The following NOC2L variants were observed in gnomAD, a reference collection of about 807,000 sequenced individuals.
The protein encoded by NOC2L is NOC2 like nucleolar associated transcriptional repressor.
In NOC2L, 101 loss-of-function variants were observed where a neutral mutation model predicts 94.2. The ratio of observed to expected loss-of-function variants is 1.07; its 90% confidence interval spans 0.91 to 1.26. The LOEUF (loss-of-function observed/expected upper bound fraction) is 1.26, where lower values mean the gene tolerates loss of function less well. NOC2L is among the 50% of genes most tolerant of loss of function. NOC2L has a pLI of 0.00. For missense variants in NOC2L, 1,076 were observed against 980.1 expected, an observed-to-expected ratio of 1.10 and a Z score of -1.31; for synonymous variants, 531 against 413.4, an observed-to-expected ratio of 1.28 and a Z score of -3.45.
chr1:957,333 G>T, intron 2 of NOC2L, 60 bp from the exon 3 acceptor site: 1 of 1,532,572 alleles, frequency 6.5e-7, no homozygotes, highest in African/African-American at 1.4e-5. Flanking sequence ...GCGGGGAGTG[G>T]CCTACAGGGT....
chr1:945,275 G>A (rs1031943461), intron 17 of NOC2L, 129 bp from the exon 18 acceptor site: 17 of 1,217,016 alleles, frequency 1.4e-5, no homozygotes, highest in Non-Finnish European at 1.9e-5. Flanking sequence ...AGGTGGAGAG[G>A]AGCCCTGGGG....
chr1:948,443 C>G (rs1166856477), intron 13 of NOC2L, 47 bp downstream of exon 13: 3 of 1,444,724 alleles, frequency 2.1e-6, no homozygotes, highest in Non-Finnish European at 1.9e-6. Context: ...CACCCCCAAC[C>G]CCACCCTGGG....
Position 948,235 on chromosome 1 carries a change from G to C in NOC2L, c.1558-3C>G, listed in dbSNP as rs2100381049. Reference sequence around the variant, plus strand: ...TACAGCTGCTCCACCAGGCCGTCCTGAAGAGCAGGAGAGAGGGCCGAGTGC... The same window carrying C: ...TACAGCTGCTCCACCAGGCCGTCCTCAAGAGCAGGAGAGAGGGCCGAGTGC... On this transcript the variant is annotated splice_polypyrimidine_tract_variant and splice_region_variant and intron_variant, in intron 13 of 18. Transcript: ENST00000327044. 6.4e-7 allele frequency: 1 copy of C among 1,570,938 alleles called. No individual in the cohort carries two copies. The highest frequency in any genetic ancestry group is 2.3e-5 in the East Asian group (1 of 42,806).
In NOC2L at chr1:957,152, C is replaced by A; in HGVS notation, c.301G>T (p.Asp101Tyr). ...DQSLLNFSDS[D>Y]SSEEEEGPFH... ...GGCCCCTCTTCCTCCTCAGAGCTGTCCGAGTCGCTGAAGTTTAGCAGGCTC... is the reference window on the plus strand; with the variant it reads ...GGCCCCTCTTCCTCCTCAGAGCTGTACGAGTCGCTGAAGTTTAGCAGGCTC... The change falls in exon 3 of 19, where the codon GAC becomes TAC. Residue 101 changes from aspartate (D) to tyrosine (Y), a missense_variant. By Grantham distance (160) the Asp-to-Tyr change is radical. Coordinates refer to ENST00000327044, the MANE Select transcript of NOC2L (RefSeq NM_015658.4). The A allele has an allele frequency of 6.2e-7, 1 of 1,614,076 alleles. No individual in the cohort carries two copies. The highest frequency in any genetic ancestry group is 8.5e-7 in the Non-Finnish European group (1 of 1,180,038).
intron 12 of NOC2L, among the ~76,000 whole-genome samples, chr1:950,790 A>C (rs1479867433): frequency 6.6e-6 from 1 of 152,180 alleles, no homozygotes; most frequent in Admixed American, 6.5e-5. Context: ...CACAACTGTC[A>C]GGGCAGGGCA....
chr1:956,962 G>A lies in NOC2L; in HGVS notation c.418C>T (p.Leu140=), dbSNP rs532340788. Residue 140 remains leucine (L), a synonymous_variant, in exon 4 of 19, where the codon CTG becomes TTG. Coordinates refer to ENST00000327044, the MANE Select transcript of NOC2L (RefSeq NM_015658.4). ...GGAACAGAATTCTTCTTCCCCTTCA[G>A]CCCTCTGGGGACTCTGTCCCCATCT... ...GEDGDRVPRG[L]KGKKNSVPVT... 2 of 1,614,086 alleles carry A rather than the reference G, an allele frequency of 1.2e-6. No individual in the cohort carries two copies. Among genetic ancestry groups the A allele is most frequent in the East Asian group, 4.5e-5 (2 of 44,886 alleles).
intron 2 of NOC2L, 56 bp downstream of exon 2, chr1:958,873 C>T (rs751018952): frequency 2.2e-5 from 36 of 1,606,484 alleles, no homozygotes; most frequent in Non-Finnish European, 2.9e-5. Flanking sequence ...GTCAGCAACC[C>T]AACCGGGGTG....
chr1:957,361 A>G, intron 2 of NOC2L, 88 bp from the exon 3 acceptor site: 1 of 1,324,672 alleles, frequency 7.5e-7, no homozygotes. Flanking sequence ...CTCCCTTCAC[A>G]AGGGTTACCA....
At chr1:955,894 C>A in intron 6 of NOC2L, 29 bp downstream of exon 6, 1 of 1,563,560 alleles carries the variant, frequency 6.4e-7, no homozygotes, top group South Asian at 1.1e-5. Context: ...ACCTTCCACC[C>A]TACCCCCCTT....
At chr1:946,706 G>T in intron 14 of NOC2L, 161 bp from the exon 15 acceptor site, 1 of 815,312 alleles carries the variant, frequency 1.2e-6, no homozygotes, top group Non-Finnish European at 1.9e-6. Flanking sequence ...CAGCTGGGAT[G>T]GCAGAGGCAG....
chr1:958,395 G>A (rs1354410302), intron 2 of NOC2L: 2 of 315,656 alleles, frequency 6.3e-6, no homozygotes, highest in Non-Finnish European at 1.2e-5. Context: ...TGGGATTACA[G>A]GTGCCCACCA....
chr1:957,899 C>CATA (rs1642458022), intron 2 of NOC2L: 1 of 155,288 alleles, frequency 6.4e-6, no homozygotes. Flanking sequence ...TCACTCCTGC[C>CATA]GTAGCCACGT....
chr1:944,702 CCT>C lies in NOC2L; in HGVS notation c.2240_2241del (p.Glu747GlyfsTer29), dbSNP rs1385227098. ...CCCCCAGATGGGCTGCCTCAGTCGT[CCT>C]CTGAGAGCTGCAGATCCTCCAGCTC... is the stretch of plus-strand genomic sequence containing the variant. Reference protein sequence around the residue: ...EDELEDLQLSEDD With the variant: ...EDELEDLQLSXDD On this transcript the variant is annotated frameshift_variant, in exon 19 of 19. Transcript: ENST00000327044. LOFTEE classifies it high-confidence loss of function. 6 of 1,596,320 alleles carry C rather than the reference CCT, an allele frequency of 3.8e-6. No individual in the cohort carries two copies. Among genetic ancestry groups the C allele is most frequent in the Non-Finnish European group, 3.4e-6 (4 of 1,176,604 alleles).
chr1:956,971 G>A lies in NOC2L; in HGVS notation c.409C>T (p.Pro137Ser). The A allele has an allele frequency of 6.2e-7, 1 of 1,614,052 alleles. No individual in the cohort carries two copies. The highest frequency in any genetic ancestry group is 8.5e-7 in the Non-Finnish European group (1 of 1,180,020). ...TTCTTCTTCCCCTTCAGCCCTCTGG[G>A]GACTCTGTCCCCATCTTCTCCTTCC... ...AEEGEDGDRV[P>S]RGLKGKKNSV... Residue 137 changes from proline to serine, a missense_variant, in exon 4 of 19, where the codon CCC (proline) becomes TCC (serine). Coordinates refer to ENST00000327044, the MANE Select transcript of NOC2L (RefSeq NM_015658.4).
chr1:948,735 G>C (rs533482839), intron 12 of NOC2L, 132 bp from the exon 13 acceptor site: 520 of 641,044 alleles, frequency 8.1e-4, no homozygotes, highest in Non-Finnish European at 1.3e-3. Context: ...TGGTCCTCAG[G>C]CTTCAGCACG....
At chr1:951,777 C>T (rs904009355) in intron 11 of NOC2L, among the ~76,000 whole-genome samples, 1 of 152,256 alleles carries the variant, frequency 6.6e-6, no homozygotes, top group African/African-American at 2.4e-5. Context: ...GCGGCTAAAC[C>T]GCTGTTGGAG....
At chr1:944,988 C>G in intron 18 of NOC2L, 69 bp downstream of exon 18, 3 of 1,606,958 alleles carry the variant, frequency 1.9e-6, no homozygotes, top group Admixed American at 3.3e-5. Context: ...ACGCCCCCCG[C>G]CCACGTGGCT....
rs1200861122 is a variant in NOC2L at position 946,444 on chromosome 1, G to A, written c.1761C>T (p.Arg587=). Reference sequence around the variant, plus strand: ...AGACGCCGAAGGAAACCCTCTGGCGGCGGCTGCAGATGTATGCCGAGTTCT... The same window carrying A: ...AGACGCCGAAGGAAACCCTCTGGCGACGGCTGCAGATGTATGCCGAGTTCT... ...VQENSAYICS[R]RQRVSFGVSE... The change falls in exon 15 of 19, where the codon CGC becomes CGT. Residue 587 remains arginine, a synonymous_variant. Coordinates refer to ENST00000327044, the MANE Select transcript of NOC2L (RefSeq NM_015658.4). 1 of 1,613,404 alleles carries A rather than the reference G, an allele frequency of 6.2e-7. No homozygotes were observed. Among genetic ancestry groups the A allele is most frequent in the Non-Finnish European group, 8.5e-7 (1 of 1,180,018 alleles).
At position 957,162 on chromosome 1, in the gene NOC2L, G is replaced by C. The variant is rs767851994; in HGVS notation, c.291C>G (p.Phe97Leu). Residue 97 changes from phenylalanine (F) to leucine (L), a missense_variant, in exon 3 of 19, where the codon TTC (phenylalanine) becomes TTG (leucine). Coordinates refer to ENST00000327044, the MANE Select transcript of NOC2L (RefSeq NM_015658.4). ...CCTCCTCAGAGCTGTCCGAGTCGCT[G>C]AAGTTTAGCAGGCTCTGGTCATTCT... ...LQENDQSLLN[F>L]SDSDSSEEEE... 6 of 1,614,114 alleles carry C rather than the reference G, an allele frequency of 3.7e-6. No homozygotes were observed. Among genetic ancestry groups the C allele is most frequent in the Non-Finnish European group, 8.5e-7 (1 of 1,180,042 alleles).
Sources: allele counts gnomAD v4.1 joint callset (sites outside exome capture counted in the v4.1 genomes callset), GRCh38; gene constraint gnomAD v4.1.1; transcripts MANE v1.5; gene names NCBI Gene and HGNC (gene_info 2026-07-23, HGNC 2026-07-21).